The following DDX6 variants were observed in gnomAD, a reference collection of about 807,000 sequenced individuals.
DDX6 encodes the protein DEAD-box helicase 6, also known as probable ATP-dependent RNA helicase DDX6.
In DDX6, 7 loss-of-function variants were observed where a neutral mutation model predicts 60.6. The observed-to-expected ratio is 0.12, with a 90% CI of 0.07 to 0.22. The LOEUF (loss-of-function observed/expected upper bound fraction) is 0.22, where lower values mean the gene tolerates loss of function less well. DDX6 is among the 10% of genes least tolerant of loss of function. DDX6 has a pLI of 1.00. For synonymous variants in DDX6, 207 were observed against 201.0 expected, an observed-to-expected ratio of 1.03 and a Z score of -0.25; for missense variants, 270 against 589.9, an observed-to-expected ratio of 0.46 and a Z score of 5.62.
rs144247572 is a variant in DDX6 at position 118,782,451 on chromosome 11, A to G, written c.201-1267T>C. On this transcript the variant is annotated intron_variant, in intron 2 of 13. Transcript: ENST00000534980. ...ATCAGGGAACATCTGCAGACAAAGT[A>G]TTTAACTGTGACATCTTCGAAAAAG... Among the ~76,000 whole-genome samples, 339 of 152,178 alleles carry G rather than the reference A, an allele frequency of 2.2e-3. 3 individuals carry two copies. Among genetic ancestry groups the G allele is most frequent in the African/African-American group, 7.9e-3 (330 of 41,520 alleles).
At position 118,754,751 on chromosome 11, in the gene DDX6, T is replaced by A. The variant is rs782256533; in HGVS notation, c.1413A>T (p.Ala471=). ...CTTCTACAGGCTCGCTGTGGTATTC[T>A]GCCACATACAGGCTCTTATCAATGT... is the stretch of plus-strand genomic sequence containing the variant. ...PSNIDKSLYV[A]EYHSEPVEDE... Residue 471 remains alanine (A), a synonymous_variant, in exon 13 of 14, where the codon GCA becomes GCT. Coordinates refer to ENST00000534980, the MANE Select transcript of DDX6 (RefSeq NM_004397.6). 6.2e-7 allele frequency: 1 copy of A among 1,613,310 alleles called. No homozygotes were observed. The highest frequency in any genetic ancestry group is 1.1e-5 in the South Asian group (1 of 90,844).
At chr11:118,756,398 G>A (rs1222790249) in intron 10 of DDX6, 75 bp from the exon 11 acceptor site, 5 of 1,203,266 alleles carry the variant, frequency 4.2e-6, no homozygotes, top group Non-Finnish European at 6.1e-6. Flanking sequence ...ATTTCTCCCA[G>A]ACGATCAGTT....
intron 2 of DDX6, chr11:118,785,729 G>A (rs979934888): frequency 2.1e-5 from 4 of 187,822 alleles, no homozygotes; most frequent in Middle Eastern, 2.0e-3. Flanking sequence ...TGACAAAAAC[G>A]AGATGACTAA....
At chr11:118,782,747 C>T (rs1373379283) in intron 2 of DDX6, among the ~76,000 whole-genome samples, 1 of 151,636 alleles carries the variant, frequency 6.6e-6, no homozygotes, top group African/African-American at 2.4e-5. Context: ...GGGGTTCAAG[C>T]AATTCTCCTG....
chr11:118,786,745 C>G (rs1862086817), intron 1 of DDX6: 1 of 156,394 alleles, frequency 6.4e-6, no homozygotes. Context: ...TCAAAGCAAT[C>G]CAGAGATTAA....
intron 9 of DDX6, among the ~76,000 whole-genome samples, 200 bp downstream of exon 9, chr11:118,758,574 T>C (rs1172197545): frequency 1.3e-5 from 2 of 152,136 alleles, no homozygotes; most frequent in African/African-American, 4.8e-5. Context: ...GGTTTCACCA[T>C]GTTGGCCAGG....
Position 118,768,366 on chromosome 11 carries a change from G to C in DDX6, c.370-14C>G, listed in dbSNP as rs201170612. On this transcript the variant is annotated splice_polypyrimidine_tract_variant and intron_variant, in intron 4 of 13. Transcript: ENST00000534980. The stretch of plus-strand genomic sequence containing the variant: ...AATGCTCTCCTCCTAAAAGAGATAA[G>C]ACAATACAAAATTACTTCTGAATGT... 2 of 1,610,812 alleles carry C rather than the reference G, an allele frequency of 1.2e-6. No homozygotes were observed. The highest frequency in any genetic ancestry group is 1.7e-6 in the Non-Finnish European group (2 of 1,179,562).
intron 4 of DDX6, 59 bp downstream of exon 4, chr11:118,779,573 G>A (rs116901636): frequency 9.4e-6 from 11 of 1,171,762 alleles, no homozygotes; most frequent in Admixed American, 6.8e-5. Flanking sequence ...AGAGCAAAAA[G>A]AAAACTGTTT....
intron 3 of DDX6, among the ~76,000 whole-genome samples, chr11:118,780,722 C>T (rs1861869607): frequency 6.6e-6 from 1 of 152,186 alleles, no homozygotes; most frequent in African/African-American, 2.4e-5. Context: ...CCCACCTCTA[C>T]CACTCATGAG....
At chr11:118,755,027 T>C (rs1411177959) in intron 12 of DDX6, 140 bp from the exon 13 acceptor site, 7 of 786,416 alleles carry the variant, frequency 8.9e-6, no homozygotes, top group Admixed American at 3.2e-5. Flanking sequence ...AACTTCTTAA[T>C]GGTCTTCAAA....
intron 4 of DDX6, among the ~76,000 whole-genome samples, chr11:118,770,273 C>T (rs1020728548): frequency 5.9e-5 from 9 of 152,026 alleles, no homozygotes; most frequent in African/African-American, 1.2e-4. Context: ...GATGATCCAC[C>T]GACCTCGGCC....
chr11:118,765,700 G>A (rs1038926387), intron 5 of DDX6, among the ~76,000 whole-genome samples: 16 of 151,804 alleles, frequency 1.1e-4, no homozygotes, highest in African/African-American at 2.2e-4. Context: ...ACTTGAACCC[G>A]GAGGCAGAGG....
At chr11:118,754,473 T>C in intron 13 of DDX6, 2 of 428,390 alleles carry the variant, frequency 4.7e-6, no homozygotes, top group South Asian at 9.3e-5. Context: ...TGAATTTAAG[T>C]ACTGCTAATC....
rs1433972111 is a variant in DDX6, at chr11:118,750,178, A to T, written c.*1927T>A. 6.6e-6 allele frequency: 1 copy of T among 152,472 alleles called. No individual in the cohort carries two copies. The highest frequency in any genetic ancestry group is 1.5e-5 in the Non-Finnish European group (1 of 68,008). The allele number at this position is 152,472 out of a possible 1,614,324, so 9.4% of individuals were successfully genotyped here. A position where few individuals can be genotyped will look rare whatever the true frequency, so the allele number is the denominator to read the frequency against. On this transcript the variant is annotated 3_prime_UTR_variant, in exon 14 of 14. Coordinates refer to ENST00000534980, the MANE Select transcript of DDX6 (RefSeq NM_004397.6). ...TAAAATATGGAAATCAATTTTTTTTAATTTTGTTTTTTGCTTTTTTCCCCC... is the reference window on the plus strand; with the variant it reads ...TAAAATATGGAAATCAATTTTTTTTTATTTTGTTTTTTGCTTTTTTCCCCC...
At position 118,786,319 on chromosome 11, in the gene DDX6, C is replaced by T; in HGVS notation, c.-68G>A. Reference sequence around the variant, plus strand: ...AAAGTCAGTAGAGAAACTGTAATAACAGTTTATTAGGCTCTCCAAAATGAA... The same window carrying T: ...AAAGTCAGTAGAGAAACTGTAATAATAGTTTATTAGGCTCTCCAAAATGAA... On this transcript the variant is annotated 5_prime_UTR_variant, in exon 2 of 14. Coordinates refer to ENST00000534980, the MANE Select transcript of DDX6 (RefSeq NM_004397.6). The T allele has an allele frequency of 7.3e-7, 1 of 1,378,520 alleles. No homozygotes were observed. The highest frequency in any genetic ancestry group is 1.0e-6 in the Non-Finnish European group (1 of 1,002,110). 85.4% of individuals were successfully genotyped at this position (1,378,520 alleles called of 1,614,324 possible).
At chr11:118,780,750 T>C (rs2137534213) in intron 3 of DDX6, among the ~76,000 whole-genome samples, 1 of 152,328 alleles carries the variant, frequency 6.6e-6, no homozygotes, top group South Asian at 2.1e-4. Flanking sequence ...TATCTTTGGC[T>C]AAGTCAAATT....
At chr11:118,790,156 T>G (rs1265786401) in intron 1 of DDX6, 1 of 152,090 alleles carries the variant, frequency 6.6e-6, no homozygotes, top group South Asian at 2.1e-4. Context: ...AAATGGGGGC[T>G]GAGGAAGAGA....
At chr11:118,758,675 C>G (rs376394026) in intron 9 of DDX6, 99 bp downstream of exon 9, 1 of 1,430,582 alleles carries the variant, frequency 7.0e-7, no homozygotes, top group Middle Eastern at 1.8e-4. Flanking sequence ...AGAAACACTA[C>G]GAACTTTTAT....
chr11:118,750,579 C>T lies in DDX6; in HGVS notation c.*1526G>A, dbSNP rs1860724717. The T allele has an allele frequency of 6.6e-6, 1 of 152,168 alleles. No individual in the cohort carries two copies. The highest frequency in any genetic ancestry group is 1.5e-5 in the Non-Finnish European group (1 of 68,036). The allele number at this position is 152,168 out of a possible 1,614,324, so 9.4% of individuals were successfully genotyped here. The stretch of plus-strand genomic sequence containing the variant: ...ATCCACAGAAAATTAAGCTCCAGAA[C>T]TGCTAACATTACCAAAGCTGGTACT... On this transcript the variant is annotated 3_prime_UTR_variant, in exon 14 of 14. Coordinates refer to ENST00000534980, the MANE Select transcript of DDX6 (RefSeq NM_004397.6).
Sources: allele counts gnomAD v4.1 joint callset (sites outside exome capture counted in the v4.1 genomes callset), GRCh38; gene constraint gnomAD v4.1.1; transcripts MANE v1.5; gene names NCBI Gene and HGNC (gene_info 2026-07-23, HGNC 2026-07-21).